The following NIPAL3 variants were observed in gnomAD, a reference collection of about 807,000 sequenced individuals.
NIPAL3 encodes NIPA-like protein 3.
NIPAL3 carries 41 observed loss-of-function variants against 47.2 expected under a neutral mutation model. That is an observed-to-expected ratio of 0.87 (90% CI 0.68 to 1.13). The LOEUF (loss-of-function observed/expected upper bound fraction) is 1.13, where lower values mean the gene tolerates loss of function less well. NIPAL3 is among the 50% of genes most tolerant of loss of function. The probability of loss-of-function intolerance (pLI) is 0.00; values close to 1 mark genes in which losing one functional copy is unlikely to be tolerated. For synonymous variants in NIPAL3, 194 were observed against 209.6 expected, an observed-to-expected ratio of 0.93 and a Z score of 0.64; for missense variants, 449 against 530.1, an observed-to-expected ratio of 0.85 and a Z score of 1.50.
At chr1:24,468,956 A>G (rs781575823) in intron 11 of NIPAL3, 30 bp from the exon 12 acceptor site, 2 of 1,610,302 alleles carry the variant, frequency 1.2e-6, no homozygotes, top group Non-Finnish European at 1.7e-6. Flanking sequence ...TTACCGCGTA[A>G]TGATTTGGAG....
chr1:24,432,198 C>T (rs1038370051), intron 2 of NIPAL3, among the ~76,000 whole-genome samples: 6 of 152,146 alleles, frequency 3.9e-5, no homozygotes, highest in African/African-American at 7.2e-5. Context: ...GGCACAACCT[C>T]GGCTCACTGC....
chr1:24,433,111 G>A (rs1409704626), intron 2 of NIPAL3: 3 of 152,166 alleles, frequency 2.0e-5, no homozygotes, highest in African/African-American at 7.2e-5. Context: ...CAGCTGCCCT[G>A]AGGAGTAAGT....
At position 24,442,141 on chromosome 1, in the gene NIPAL3, G is replaced by A; in HGVS notation, c.249G>A (p.Met83Ile). 1 of 1,614,188 alleles carries A rather than the reference G, an allele frequency of 6.2e-7. No homozygotes were observed. The highest frequency in any genetic ancestry group is 8.5e-7 in the Non-Finnish European group (1 of 1,180,034). ...CATGGTGGCTGGGCCTGTTCCTGAT[G>A]CTTCTGGGCGAGCTGGGTGTGTTCG... ...TKTWWLGLFL[M>I]LLGELGVFAS... is the part of the protein sequence containing the mutation. The change falls in exon 4 of 12, where the codon ATG becomes ATA. Residue 83 changes from methionine (M) to isoleucine (I), a missense_variant. Coordinates refer to ENST00000374399, the MANE Select transcript of NIPAL3 (RefSeq NM_020448.5).
At position 24,425,220 on chromosome 1, in the gene NIPAL3, A is replaced by G. The variant is rs527265360; in HGVS notation, c.93+5580A>G. On this transcript the variant is annotated intron_variant, in intron 2 of 11. Transcript: ENST00000374399. ...TTGTGCTGGGTGGGGCGGGAGCTATATAGATCAAGCTTGTCCAACCCACAG... is the reference window on the plus strand; with the variant it reads ...TTGTGCTGGGTGGGGCGGGAGCTATGTAGATCAAGCTTGTCCAACCCACAG... 3.3e-5 allele frequency among the ~76,000 whole-genome samples: 5 copies of G among 152,366 alleles called. No individual in the cohort carries two copies. The South Asian group carries it at 1.0e-3, about 32-fold the overall frequency.
intron 2 of NIPAL3, among the ~76,000 whole-genome samples, chr1:24,439,030 G>A (rs1645255174): frequency 6.6e-6 from 1 of 152,170 alleles, no homozygotes; most frequent in Non-Finnish European, 1.5e-5. Flanking sequence ...AATAGACACG[G>A]GGGACTCCAA....
At chr1:24,413,685 C>A (rs1643864776), upstream of NIPAL3, 1 of 152,314 alleles carries the variant, frequency 6.6e-6, no homozygotes, top group South Asian at 2.1e-4. Flanking sequence ...TGGTCCGGTC[C>A]CGGCAGCTGA....
In NIPAL3 at chr1:24,463,576, C is replaced by G. The variant is rs56720877; in HGVS notation, c.927-450C>G. ...GGGAAAAAACAAAACAAAAAATAAC[C>G]TGGAAGGCTATACACCTACCTGGCC... On this transcript the variant is annotated intron_variant, in intron 10 of 11. Coordinates refer to ENST00000374399, the MANE Select transcript of NIPAL3 (RefSeq NM_020448.5). Among the ~76,000 whole-genome samples the G allele has an allele frequency of 3.0e-3, 451 of 152,248 alleles. 2 individuals are homozygous for G. Among genetic ancestry groups the G allele is most frequent in the African/African-American group, 0.01 (434 of 41,528 alleles).
rs1645920725 is a variant in NIPAL3 at position 24,451,226 on chromosome 1, T to C, written c.540+1600T>C. 6.6e-6 allele frequency among the ~76,000 whole-genome samples: 1 copy of C among 152,114 alleles called. No homozygotes were observed. The highest frequency in any genetic ancestry group is 1.5e-5 in the Non-Finnish European group (1 of 68,016). ...GAGGCAGTGCTGCCAGCTGGAGAGA[T>C]TTGGCCAAACCAAATTCAGTCAATA... is the stretch of plus-strand genomic sequence containing the variant. On this transcript the variant is annotated intron_variant, in intron 6 of 11. Transcript: ENST00000374399. This position sits in a 1 kb window ranked among gnomAD's most constrained non-coding sequence, Gnocchi z 4.5.
chr1:24,419,402 C>T lies in NIPAL3; in HGVS notation c.-146C>T. ...GAAGGCTGTAAATCTGCCAAAACAG[C>T]CTTGAAGTATTCTTTTGTCATGAGG... On this transcript the variant is annotated 5_prime_UTR_variant, in exon 2 of 12. Transcript: ENST00000374399. The T allele has an allele frequency of 7.3e-7, 1 of 1,362,052 alleles. No individual in the cohort carries two copies. Among genetic ancestry groups the T allele is most frequent in the Non-Finnish European group, 9.5e-7 (1 of 1,058,058 alleles). 84.4% of individuals were successfully genotyped at this position (1,362,052 alleles called of 1,614,324 possible). A position where few individuals can be genotyped will look rare whatever the true frequency, so the allele number is the denominator to read the frequency against.
intron 3 of NIPAL3, 58 bp from the exon 4 acceptor site, chr1:24,441,997 T>G (rs1645410495): frequency 6.3e-7 from 1 of 1,575,490 alleles, no homozygotes; most frequent in Admixed American, 1.7e-5. Flanking sequence ...GGTACCTACA[T>G]CATAGCATTT....
At position 24,451,806 on chromosome 1, in the gene NIPAL3, C is replaced by G. The variant is rs1282950683; in HGVS notation, c.541-1602C>G. On this transcript the variant is annotated intron_variant, in intron 6 of 11. Transcript: ENST00000374399. The surrounding 1 kb of genome is among the most constrained non-coding windows in gnomAD (Gnocchi z 4.5). The stretch of plus-strand genomic sequence containing the variant: ...GGAATGTTGATGATTGACAGCACAT[C>G]CACTTGATGAAGTATTCTGCAGCAA... Among the ~76,000 whole-genome samples the G allele has an allele frequency of 6.6e-6, 1 of 152,130 alleles. No individual in the cohort carries two copies. Among genetic ancestry groups the G allele is most frequent in the African/African-American group, 2.4e-5 (1 of 41,424 alleles).
At chr1:24,461,695 C>T (rs1213962837) in intron 10 of NIPAL3, among the ~76,000 whole-genome samples, 4 of 151,542 alleles carry the variant, frequency 2.6e-5, no homozygotes, top group African/African-American at 9.7e-5. Flanking sequence ...GCTGAAACCC[C>T]GTCTGTACTA....
At chr1:24,423,934 G>C (rs1175651047) in intron 2 of NIPAL3, among the ~76,000 whole-genome samples, 2 of 152,148 alleles carry the variant, frequency 1.3e-5, no homozygotes, top group African/African-American at 4.8e-5. Flanking sequence ...CATATGAAAG[G>C]CATGCTCCTT....
In NIPAL3 at chr1:24,442,113, A is replaced by G. The variant is rs199698296; in HGVS notation, c.221A>G (p.Lys74Arg). ...GATCCCCGGGCCTATTTCAAGACCA[A>G]GACATGGTGGCTGGGCCTGTTCCTG... ...SKDPRAYFKT[K>R]TWWLGLFLML... is the part of the protein sequence containing the mutation. Residue 74 changes from lysine (K) to arginine (R), a missense_variant, in exon 4 of 12, where the codon AAG (lysine) becomes AGG (arginine). By Grantham distance (26) the Lys-to-Arg change is conservative. Transcript: ENST00000374399. 200 of 1,614,208 alleles carry G rather than the reference A, an allele frequency of 1.2e-4. No homozygotes were observed. Among genetic ancestry groups the G allele is most frequent in the Middle Eastern group, 4.9e-4 (3 of 6,062 alleles).
chr1:24,469,346 G>C lies in NIPAL3; in HGVS notation c.*161G>C, dbSNP rs1646830729. ...TCTCTGGGAAAGGATGCGTTATCTT[G>C]GTCTTGGAAATTTCAAATGATGAGG... On this transcript the variant is annotated 3_prime_UTR_variant, in exon 12 of 12. Coordinates refer to ENST00000374399, the MANE Select transcript of NIPAL3 (RefSeq NM_020448.5). 2 of 621,988 alleles carry C rather than the reference G, an allele frequency of 3.2e-6. No homozygotes were observed. The highest frequency in any genetic ancestry group is 2.3e-5 in the South Asian group (1 of 44,374). The allele number at this position is 621,988 out of a possible 1,614,324, so 38.5% of individuals were successfully genotyped here.
In NIPAL3 at chr1:24,451,093, TCTGGA is replaced by T. The variant is rs1645915059; in HGVS notation, c.540+1470_540+1474del. On this transcript the variant is annotated intron_variant, in intron 6 of 11. Transcript: ENST00000374399. The surrounding 1 kb of genome is among the most constrained non-coding windows in gnomAD (Gnocchi z 4.5). ...CCCTCTCTGTAAAGTGGCAAGAATCTCTGGACTTAAAATTGCTATTGGGAGATCCA... is the reference window on the plus strand; with the variant it reads ...CCCTCTCTGTAAAGTGGCAAGAATCTCTTAAAATTGCTATTGGGAGATCCA... Among the ~76,000 whole-genome samples, 1 of 152,248 alleles carries T rather than the reference TCTGGA, an allele frequency of 6.6e-6. No homozygotes were observed. The highest frequency in any genetic ancestry group is 2.4e-5 in the African/African-American group (1 of 41,468).
At position 24,454,697 on chromosome 1, in the gene NIPAL3, G is replaced by A. The variant is rs1646115169; in HGVS notation, c.637+1193G>A. On this transcript the variant is annotated intron_variant, in intron 7 of 11. Transcript: ENST00000374399. This position sits in a 1 kb window ranked among gnomAD's most constrained non-coding sequence, Gnocchi z 4.1. ...TTTTGTCACCCCCAAAAGAAACCCT[G>A]TGCCCATTAGCAGTCACTCCCTGTT... 2.7e-6 allele frequency: 1 copy of A among 365,010 alleles called. No individual in the cohort carries two copies. The highest frequency in any genetic ancestry group is 3.8e-6 in the Non-Finnish European group (1 of 263,064). The allele number at this position is 365,010 out of a possible 1,614,324, so 22.6% of individuals were successfully genotyped here.
chr1:24,425,392 C>T (rs1009261451), intron 2 of NIPAL3, among the ~76,000 whole-genome samples: 1 of 152,150 alleles, frequency 6.6e-6, no homozygotes, highest in Non-Finnish European at 1.5e-5. Flanking sequence ...AATTCTTCTT[C>T]CAATGTGGCC....
intron 5 of NIPAL3, among the ~76,000 whole-genome samples, chr1:24,447,838 T>C (rs1461159064): frequency 6.6e-6 from 1 of 152,244 alleles, no homozygotes; most frequent in East Asian, 1.9e-4. Flanking sequence ...GAGCAGACCA[T>C]GGGCTGGATT....
Sources: allele counts gnomAD v4.1 joint callset (sites outside exome capture counted in the v4.1 genomes callset), GRCh38; gene constraint gnomAD v4.1.1; non-coding constraint Gnocchi (gnomAD v3.1); transcripts MANE v1.5; gene names NCBI Gene and HGNC (gene_info 2026-07-23, HGNC 2026-07-21).